UNC79: variants seen among roughly 807,000 people sequenced by gnomAD.
The protein encoded by UNC79 is protein unc-79 homolog.
Under a neutral mutation model 283.1 loss-of-function variants are expected in UNC79, and 37 were observed. The ratio of observed to expected loss-of-function variants is 0.13; its 90% CI spans 0.10 to 0.17. The LOEUF is 0.17. Ranked by LOEUF, UNC79 falls within the 10% of genes least tolerant of loss-of-function variation. The pLI is 1.00. For missense variants in UNC79, 2,272 were observed against 3,211.1 expected (o/e 0.71, Z 7.07); for synonymous variants, 1,107 against 1,200.2 (o/e 0.92, Z 1.61).
intron 1 of UNC79, among the ~76,000 whole-genome samples, chr14:93,442,035 G>A (rs796336343): frequency 1.5e-4 from 23 of 152,230 alleles, no homozygotes; most frequent in South Asian, 6.2e-4. Flanking sequence ...TCGCCAACTT[G>A]AGTATTTTAA....
chr14:93,502,240 C>G (rs368344400), intron 7 of UNC79, among the ~76,000 whole-genome samples: 1 of 151,978 alleles, frequency 6.6e-6, no homozygotes, highest in East Asian at 1.9e-4. Flanking sequence ...GGTGAAACCC[C>G]GTCTCTACTA....
At chr14:93,399,366 T>C (rs560291973) in intron 1 of UNC79, among the ~76,000 whole-genome samples, 8 of 152,292 alleles carry the variant, frequency 5.3e-5, no homozygotes, top group African/African-American at 1.9e-4. Flanking sequence ...AAGAAAATTT[T>C]TAAATAGGAA....
chr14:93,670,316 C>T (rs1217827689), intron 40 of UNC79, among the ~76,000 whole-genome samples: 2 of 152,170 alleles, frequency 1.3e-5, no homozygotes, highest in Non-Finnish European at 2.9e-5. Context: ...CTAAGACTGT[C>T]CTCCATCTCC....
At chr14:93,487,750 A>T in exon 5 of UNC79, 1 of 1,612,500 alleles carries the variant, frequency 6.2e-7, no homozygotes, top group Non-Finnish European at 8.5e-7. Flanking sequence ...TACACATCCA[A>T]TCCAGGTAAG....
At chr14:93,440,594 C>T (rs1452591637) in intron 1 of UNC79, among the ~76,000 whole-genome samples, 2 of 149,136 alleles carry the variant, frequency 1.3e-5, no homozygotes, top group East Asian at 3.9e-4. Context: ...TTTGACACTT[C>T]CTTTAGTTGT....
At chr14:93,411,664 T>C (rs2055338523) in intron 1 of UNC79, among the ~76,000 whole-genome samples, 1 of 151,196 alleles carries the variant, frequency 6.6e-6, no homozygotes, top group African/African-American at 2.5e-5. Context: ...ATCCACAGAA[T>C]TCTTCCAGAT....
In UNC79 at chr14:93,690,064, C is replaced by A; in HGVS notation, c.7086-53C>A. On this transcript the variant is annotated intron_variant, in intron 44 of 48. Transcript: ENST00000555664. The surrounding 1 kb of genome is among the most constrained non-coding windows in gnomAD (Gnocchi z 4.3). Reference sequence around the variant, plus strand: ...CCTTCAATAAGCATTTGTTATGCACCCAATGAAACACAAAACATAAAATCA... The same window carrying A: ...CCTTCAATAAGCATTTGTTATGCACACAATGAAACACAAAACATAAAATCA... The A allele has an allele frequency of 1.3e-6, 2 of 1,581,026 alleles. No individual in the cohort carries two copies. Among genetic ancestry groups the A allele is most frequent in the East Asian group, 4.5e-5 (2 of 44,548 alleles).
intron 47 of UNC79, among the ~76,000 whole-genome samples, chr14:93,695,962 G>A (rs1280322701): frequency 6.9e-6 from 1 of 144,704 alleles, no homozygotes. Flanking sequence ...TAATCCTTCA[G>A]TTGGGTTACT....
chr14:93,675,445 T>C (rs1234932274), intron 41 of UNC79, among the ~76,000 whole-genome samples: 1 of 151,422 alleles, frequency 6.6e-6, no homozygotes, highest in African/African-American at 2.5e-5. Context: ...GCAATTGAAG[T>C]TGACATGTAA....
intron 1 of UNC79, among the ~76,000 whole-genome samples, chr14:93,365,884 T>C (rs1474146627): frequency 6.6e-6 from 1 of 152,096 alleles, no homozygotes; most frequent in Non-Finnish European, 1.5e-5. Flanking sequence ...AGGCCTCAGA[T>C]TGAAACAATC....
chr14:93,646,847 A>T (rs1211286860), intron 35 of UNC79, among the ~76,000 whole-genome samples: 1 of 152,108 alleles, frequency 6.6e-6, no homozygotes, highest in Non-Finnish European at 1.5e-5. Flanking sequence ...CTGTCTCAAT[A>T]AAAAATAAAA....
In UNC79 at chr14:93,586,927, T is replaced by G; in HGVS notation, c.3032+19T>G. ...TTGCAAGGTACGTCTTCCTAATGGT[T>G]TGTTTTGATTGTTTATACATTAGGC... On this transcript the variant is annotated intron_variant, in intron 22 of 48. Transcript: ENST00000555664. 6.2e-7 allele frequency: 1 copy of G among 1,610,126 alleles called. No homozygotes were observed. The highest frequency in any genetic ancestry group is 2.2e-5 in the East Asian group (1 of 44,822).
At chr14:93,537,302 C>T (rs1219441883) in intron 11 of UNC79, among the ~76,000 whole-genome samples, 1 of 152,226 alleles carries the variant, frequency 6.6e-6, no homozygotes, top group Non-Finnish European at 1.5e-5. Flanking sequence ...TTCTCGTTCC[C>T]ATCACTTCAT....
chr14:93,507,348 C>A (rs913217792), intron 7 of UNC79, among the ~76,000 whole-genome samples: 1 of 152,196 alleles, frequency 6.6e-6, no homozygotes, highest in African/African-American at 2.4e-5. Flanking sequence ...TTTCATCCAA[C>A]AATTTATGAG....
intron 26 of UNC79, among the ~76,000 whole-genome samples, chr14:93,604,016 T>C (rs1404432107): frequency 1.3e-5 from 2 of 152,214 alleles, no homozygotes; most frequent in Non-Finnish European, 2.9e-5. Flanking sequence ...ACTTGCTCTA[T>C]AAAAGGTCTT....
chr14:93,450,226 A>G (rs1275564287), intron 1 of UNC79, among the ~76,000 whole-genome samples: 1 of 152,212 alleles, frequency 6.6e-6, no homozygotes, highest in Non-Finnish European at 1.5e-5. Flanking sequence ...AGCTCTTAGA[A>G]GTAGGTCAAA....
chr14:93,341,263 C>A (rs1478455595), intron 1 of UNC79, among the ~76,000 whole-genome samples: 5 of 151,820 alleles, frequency 3.3e-5, no homozygotes, highest in African/African-American at 4.8e-5. Context: ...TCGAGACCAG[C>A]CTGACCAACA....
At chr14:93,486,583 G>A (rs2058445980) in intron 4 of UNC79, among the ~76,000 whole-genome samples, 1 of 148,718 alleles carries the variant, frequency 6.7e-6, no homozygotes, top group Admixed American at 6.8e-5. Flanking sequence ...GAACCCAGGG[G>A]TTGGAGGTTG....
At chr14:93,373,137 T>C (rs1425185570) in intron 1 of UNC79, among the ~76,000 whole-genome samples, 2 of 152,220 alleles carry the variant, frequency 1.3e-5, no homozygotes, top group Non-Finnish European at 2.9e-5. Context: ...GAACAACTTA[T>C]TGAAATTTGT....
Sources: gnomAD v4.1 joint callset for allele counts (sites outside exome capture counted in the v4.1 genomes callset) on GRCh38, gnomAD v4.1.1 for gene constraint, Gnocchi (gnomAD v3.1) non-coding constraint, MANE v1.5 for transcripts, NCBI Gene and HGNC (gene_info 2026-07-23, HGNC 2026-07-21) for gene names.